NT5C3A: variants seen among roughly 807,000 people sequenced by gnomAD.
NT5C3A encodes the protein 5'-nucleotidase, cytosolic IIIA, also known as cytosolic 5'-nucleotidase 3A.
In NT5C3A, 23 loss-of-function variants were observed where a neutral mutation model predicts 40.0. That is an observed-to-expected ratio of 0.58 (90% CI 0.41 to 0.81). The LOEUF is 0.81. Ranked by LOEUF, NT5C3A falls within the 40% of genes least tolerant of loss-of-function variation. The pLI, the probability that NT5C3A is intolerant of heterozygous loss-of-function variation, is 0.00. For synonymous variants in NT5C3A, 130 were observed against 141.4 expected (o/e 0.92, Z 0.57); for missense variants, 328 against 403.0 (o/e 0.81, Z 1.59).
chr7:33,060,830 C>T (rs1190158554), intron 1 of NT5C3A, among the ~76,000 whole-genome samples: 2 of 152,148 alleles, frequency 1.3e-5, no homozygotes, highest in African/African-American at 2.4e-5. Flanking sequence ...ACTTCTTCCA[C>T]TTGAAGAAGC....
chr7:33,046,418 A>G (rs1477807326), intron 1 of NT5C3A, among the ~76,000 whole-genome samples: 1 of 152,104 alleles, frequency 6.6e-6, no homozygotes, highest in African/African-American at 2.4e-5. Context: ...ATGTGCCTGT[A>G]GCCCCAACTT....
At chr7:33,015,549 G>T in intron 8 of NT5C3A, 121 bp downstream of exon 8, 1 of 663,058 alleles carries the variant, frequency 1.5e-6, no homozygotes, top group South Asian at 1.9e-5. Context: ...GGTAACAGAG[G>T]CTTGTCTCAA....
In NT5C3A at chr7:33,039,133, A is replaced by G. The variant is rs373358722; in HGVS notation, c.139-12218T>C. Among the ~76,000 whole-genome samples the G allele has an allele frequency of 3.3e-5, 5 of 152,312 alleles. No individual in the cohort carries two copies. The East Asian group carries it at 9.6e-4, about 29-fold the overall frequency. On this transcript the variant is annotated intron_variant, in intron 1 of 8. Transcript: ENST00000610140. Reference sequence around the variant, plus strand: ...AAGAACTTCACTTAACACAAACTTGATAACTGAAAACTTTAGTTATCACAG... The same window carrying G: ...AAGAACTTCACTTAACACAAACTTGGTAACTGAAAACTTTAGTTATCACAG...
chr7:33,024,816 T>G (rs1785830245), intron 2 of NT5C3A, among the ~76,000 whole-genome samples: 1 of 152,168 alleles, frequency 6.6e-6, no homozygotes, highest in Admixed American at 6.5e-5. Flanking sequence ...CGCATATATA[T>G]ATACAGTTAT....
At chr7:33,017,096 T>C in intron 7 of NT5C3A, 1 of 218,010 alleles carries the variant, frequency 4.6e-6, no homozygotes, top group Non-Finnish European at 9.0e-6. Context: ...GGCAGAAGAA[T>C]TGCTTGAACC....
intron 1 of NT5C3A, among the ~76,000 whole-genome samples, chr7:33,048,425 C>T (rs1329481109): frequency 6.6e-6 from 1 of 152,068 alleles, no homozygotes. Flanking sequence ...ATTATTAAGA[C>T]TTCTTTAAAG....
chr7:33,054,353 CAAAA>C (rs35691055), intron 1 of NT5C3A, among the ~76,000 whole-genome samples: 3 of 135,290 alleles, frequency 2.2e-5, no homozygotes, highest in African/African-American at 2.7e-5. Flanking sequence ...GACCCTGCCT[CAAAA>C]AAAAAAAAAA....
chr7:33,020,485 T>G (rs573006244), intron 5 of NT5C3A, among the ~76,000 whole-genome samples: 1 of 152,314 alleles, frequency 6.6e-6, no homozygotes, highest in Admixed American at 6.5e-5. Flanking sequence ...CTGAAATCAA[T>G]CTTCTTATAT....
intron 1 of NT5C3A, chr7:33,029,845 G>GCC: frequency 2.4e-6 from 1 of 424,104 alleles, no homozygotes; most frequent in Non-Finnish European, 4.3e-6. Flanking sequence ...GGGATTACAG[G>GCC]TGTAAGCCAC....
Position 33,062,696 on chromosome 7 carries a change from C to G in NT5C3A, c.10G>C (p.Ala4Pro). 6.4e-7 allele frequency: 1 copy of G among 1,566,432 alleles called. No individual in the cohort carries two copies. The highest frequency in any genetic ancestry group is 8.6e-7 in the Non-Finnish European group (1 of 1,156,494). MDR[A>P]AVARVGAVAS... ...ACCGCGCCCACCCTCGCCACGGCCG[C>G]GCGGTCCATGGACGGGGCCCTCATG... The change falls in exon 1 of 9, where the codon GCG becomes CCG. Residue 4 changes from alanine (A) to proline (P), a missense_variant. Coordinates refer to ENST00000610140, the MANE Select transcript of NT5C3A (RefSeq NM_001002010.5).
intron 4 of NT5C3A, among the ~76,000 whole-genome samples, chr7:33,021,643 T>C (rs1405480851): frequency 6.6e-6 from 1 of 152,148 alleles, no homozygotes; most frequent in Admixed American, 6.6e-5. Context: ...TTAAATTTGA[T>C]TCACATTTCA....
intron 5 of NT5C3A, among the ~76,000 whole-genome samples, chr7:33,020,907 G>T (rs1785590124): frequency 6.6e-6 from 1 of 151,686 alleles, no homozygotes; most frequent in South Asian, 2.1e-4. Flanking sequence ...TCGATTTTTG[G>T]GTAACCATAT....
chr7:33,015,643 A>T, intron 8 of NT5C3A, 27 bp downstream of exon 8: 1 of 1,479,806 alleles, frequency 6.8e-7, no homozygotes, highest in Non-Finnish European at 9.4e-7. Context: ...ATTTTCTTCG[A>T]AAAAAATTAC....
Position 33,062,699 on chromosome 7 carries a change from G to A in NT5C3A, c.7C>T (p.Arg3Cys), listed in dbSNP as rs1374763681. 2.6e-6 allele frequency: 4 copies of A among 1,564,750 alleles called. No individual in the cohort carries two copies. The East Asian group carries it at 9.6e-5, about 38-fold the overall frequency. ...GCGCCCACCCTCGCCACGGCCGCGC[G>A]GTCCATGGACGGGGCCCTCATGCGC... MD[R>C]AAVARVGAVA... Residue 3 changes from arginine (R) to cysteine (C), a missense_variant, in exon 1 of 9, where the codon CGC becomes TGC. Transcript: ENST00000610140.
At position 33,035,831 on chromosome 7, in the gene NT5C3A, G is replaced by C. The variant is rs555263196; in HGVS notation, c.139-8916C>G. The C allele has an allele frequency of 9.2e-6, 8 of 870,006 alleles. No individual in the cohort carries two copies. In the South Asian group the frequency reaches 1.1e-4, roughly 12 times the overall value. The allele number at this position is 870,006 out of a possible 1,614,324, so 53.9% of individuals were successfully genotyped here. A position where few individuals can be genotyped will look rare whatever the true frequency, so the allele number is the denominator to read the frequency against. On this transcript the variant is annotated intron_variant, in intron 1 of 8. Coordinates refer to ENST00000610140, the MANE Select transcript of NT5C3A (RefSeq NM_001002010.5). ...TTTTGTGATGCACTGTGAAGAAAGA[G>C]TTGTATAAAATTTCAGTCCCATAAT...
At chr7:33,041,025 T>C (rs1378982426) in intron 1 of NT5C3A, 2 of 985,354 alleles carry the variant, frequency 2.0e-6, no homozygotes, top group African/African-American at 3.5e-5. Flanking sequence ...CAGTACTTTA[T>C]ATATGCTCTT....
At chr7:33,038,810 T>C (rs1236308588) in intron 1 of NT5C3A, 2 of 456,030 alleles carry the variant, frequency 4.4e-6, no homozygotes, top group East Asian at 1.4e-4. Flanking sequence ...TATAAAGTTC[T>C]GGCTTACTTT....
intron 1 of NT5C3A, among the ~76,000 whole-genome samples, chr7:33,059,189 C>A (rs1434147746): frequency 3.3e-5 from 5 of 152,204 alleles, no homozygotes; most frequent in Admixed American, 3.3e-4. Flanking sequence ...AATATTATTT[C>A]TAGCCTCAAT....
At chr7:33,045,605 G>A (rs1294368289) in intron 1 of NT5C3A, among the ~76,000 whole-genome samples, 18 of 151,914 alleles carry the variant, frequency 1.2e-4, no homozygotes, top group East Asian at 1.9e-4. Context: ...GACTACAGGC[G>A]TGCGCCACCA....
Sources: gnomAD v4.1 joint callset for allele counts (sites outside exome capture counted in the v4.1 genomes callset) on GRCh38, gnomAD v4.1.1 for gene constraint, MANE v1.5 for transcripts, NCBI Gene and HGNC (gene_info 2026-07-23, HGNC 2026-07-21) for gene names.